IL1RAP: variants seen among roughly 807,000 people sequenced by gnomAD.
The protein encoded by IL1RAP is interleukin-1 receptor accessory protein.
IL1RAP carries 35 observed loss-of-function variants against 60.7 expected under a neutral mutation model. The ratio of observed to expected loss-of-function variants is 0.58; its 90% CI spans 0.44 to 0.76. IL1RAP has a LOEUF of 0.76. IL1RAP is among the 30% of genes least tolerant of loss of function. IL1RAP has a pLI of 0.00. For missense variants in IL1RAP, 572 were observed against 693.9 expected (o/e 0.82, Z 1.97); for synonymous variants, 268 against 250.9 (o/e 1.07, Z -0.64).
intron 1 of IL1RAP, among the ~76,000 whole-genome samples, chr3:190,522,188 C>T (rs964719127): frequency 1.1e-4 from 17 of 152,020 alleles, no homozygotes; most frequent in South Asian, 2.1e-4. Context: ...GGCTGAGCTT[C>T]GGAATCAGGC....
At position 190,648,792 on chromosome 3, in the gene IL1RAP, T is replaced by C. The variant is rs1734221294; in HGVS notation, c.*87T>C. On this transcript the variant is annotated 3_prime_UTR_variant, in exon 12 of 12. Transcript: ENST00000447382. ...TCTTCATTCGCAGTTTATGGTTTCA[T>C]AGGCAAAAATAATGGTCTAAGCCTC... 2.0e-6 allele frequency: 3 copies of C among 1,490,550 alleles called. No individual in the cohort carries two copies. The highest frequency in any genetic ancestry group is 5.1e-5 in the Admixed American group (2 of 39,282). The allele number at this position is 1,490,550 out of a possible 1,614,324, so 92.3% of individuals were successfully genotyped here.
rs542904066 is a variant in IL1RAP, at chr3:190,581,875, T to G, written c.64+17522T>G. Among the ~76,000 whole-genome samples, 21 of 152,308 alleles carry G rather than the reference T, an allele frequency of 1.4e-4. No homozygotes were observed. The South Asian group carries it at 4.1e-3, about 30-fold the overall frequency. ...TCCTTTCTTCATGCTCGTTTGTGTC[T>G]CATATGTCTAACTGTTTCAGGGTCC... On this transcript the variant is annotated intron_variant, in intron 3 of 11. Coordinates refer to ENST00000447382, the MANE Select transcript of IL1RAP (RefSeq NM_002182.4).
At chr3:190,647,407 G>T (rs1174569282) in intron 11 of IL1RAP, among the ~76,000 whole-genome samples, 1 of 152,180 alleles carries the variant, frequency 6.6e-6, no homozygotes, top group Non-Finnish European at 1.5e-5. Flanking sequence ...ACAGGTAAAG[G>T]ACTATGCAAT....
intron 4 of IL1RAP, among the ~76,000 whole-genome samples, chr3:190,608,500 T>G (rs1180864607): frequency 2.6e-5 from 4 of 152,192 alleles, no homozygotes; most frequent in Non-Finnish European, 5.9e-5. Context: ...AGTGAATGAA[T>G]GTGAAAGCCC....
chr3:190,588,820 T>A lies in IL1RAP; in HGVS notation c.65-15308T>A, dbSNP rs559004457. Among the ~76,000 whole-genome samples, 3 of 152,316 alleles carry A rather than the reference T, an allele frequency of 2.0e-5. No individual in the cohort carries two copies. The South Asian group carries it at 6.2e-4, about 32-fold the overall frequency. On this transcript the variant is annotated intron_variant, in intron 3 of 11. Coordinates refer to ENST00000447382, the MANE Select transcript of IL1RAP (RefSeq NM_002182.4). The stretch of plus-strand genomic sequence containing the variant: ...AATGTTCTCAACCTTAGCACTATAG[T>A]AAGTCAATAAGCTCAACATAAAAGT...
At chr3:190,549,929 C>T (rs1479644818) in intron 1 of IL1RAP, among the ~76,000 whole-genome samples, 8 of 152,180 alleles carry the variant, frequency 5.3e-5, no homozygotes, top group Admixed American at 5.2e-4. Context: ...GATGGCTACT[C>T]ATCTAGAAAG....
At chr3:190,646,754 A>T (rs1215056571) in intron 11 of IL1RAP, among the ~76,000 whole-genome samples, 2 of 151,482 alleles carry the variant, frequency 1.3e-5, no homozygotes, top group Admixed American at 6.6e-5. Context: ...GTTTTTTTTT[A>T]AATATTGCAT....
chr3:190,636,842 A>G (rs906310645), intron 9 of IL1RAP, among the ~76,000 whole-genome samples: 3 of 151,962 alleles, frequency 2.0e-5, no homozygotes, highest in African/African-American at 7.2e-5. Context: ...CCATCTTGCT[A>G]TTTGTTGTCC....
At chr3:190,629,537 A>T (rs571100036) in intron 9 of IL1RAP, 39 bp downstream of exon 9, 126 of 1,577,038 alleles carry the variant, frequency 8.0e-5, no homozygotes, top group Non-Finnish European at 1.1e-4. Flanking sequence ...TCAGCTCCAA[A>T]TTAACATTGT....
chr3:190,539,535 C>T (rs1723753501), intron 1 of IL1RAP, among the ~76,000 whole-genome samples: 1 of 151,986 alleles, frequency 6.6e-6, no homozygotes, highest in African/African-American at 2.4e-5. Flanking sequence ...CTCATCTGTA[C>T]ATATTTCTTT....
chr3:190,630,559 T>C (rs1303880901), intron 9 of IL1RAP, among the ~76,000 whole-genome samples: 5 of 152,214 alleles, frequency 3.3e-5, no homozygotes, highest in Admixed American at 2.6e-4. Flanking sequence ...CCTCAAACTT[T>C]CATTACAACT....
intron 1 of IL1RAP, among the ~76,000 whole-genome samples, chr3:190,550,903 A>G (rs1048899128): frequency 2.0e-5 from 3 of 152,252 alleles, no homozygotes; most frequent in African/African-American, 7.2e-5. Context: ...TGTTTGCAAA[A>G]TAGACTTTAG....
At chr3:190,538,560 T>A (rs1270141373) in intron 1 of IL1RAP, among the ~76,000 whole-genome samples, 3 of 152,092 alleles carry the variant, frequency 2.0e-5, no homozygotes, top group African/African-American at 7.2e-5. Context: ...TGAAGAGGGG[T>A]GTTTGAGGGA....
chr3:190,601,392 AT>A (rs1729847738), intron 3 of IL1RAP, among the ~76,000 whole-genome samples: 1 of 152,254 alleles, frequency 6.6e-6, no homozygotes, highest in African/African-American at 2.4e-5. Context: ...ACAAGTGTGC[AT>A]TGATGTGAAC....
chr3:190,627,284 GTTT>G (rs770935173), intron 7 of IL1RAP, 36 bp from the exon 8 acceptor site: 2 of 1,425,206 alleles, frequency 1.4e-6, no homozygotes, highest in East Asian at 4.9e-5. Context: ...GTTTTGTTTT[GTTT>G]TTTGTTTTTT....
Position 190,627,444 on chromosome 3 carries a change from C to A in IL1RAP, c.897C>A (p.Asn299Lys). The change falls in exon 8 of 12, where the codon AAC (asparagine) becomes AAA (lysine). Residue 299 changes from asparagine (N) to lysine (K), a missense_variant. Asn to Lys is a moderately conservative substitution (Grantham distance 94). Transcript: ENST00000447382. Reference sequence around the variant, plus strand: ...ACATCACTATTGATGTCACCATTAACGAAAGGTATCATGGGGGCCAGCAAG... The same window carrying A: ...ACATCACTATTGATGTCACCATTAAAGAAAGGTATCATGGGGGCCAGCAAG... ...PDDITIDVTI[N>K]ESISHSRTED... The A allele has an allele frequency of 3.1e-6, 5 of 1,610,284 alleles. No individual in the cohort carries two copies. Among genetic ancestry groups the A allele is most frequent in the Non-Finnish European group, 4.2e-6 (5 of 1,178,572 alleles).
Position 190,524,545 on chromosome 3 carries a change from T to A in IL1RAP, c.-89+10326T>A, listed in dbSNP as rs542065061. Among the ~76,000 whole-genome samples the A allele has an allele frequency of 1.1e-4, 16 of 152,316 alleles. No individual in the cohort carries two copies. In the South Asian group the frequency reaches 3.3e-3, roughly 32 times the overall value. On this transcript the variant is annotated intron_variant, in intron 1 of 11. Transcript: ENST00000447382. ...AGGGGTTCAATTTCAATCTTCTTCA[T>A]ATGGCTAGCCAGTTACCCCAGCATT...
At chr3:190,544,239 G>C (rs1198102314) in intron 1 of IL1RAP, among the ~76,000 whole-genome samples, 1 of 152,122 alleles carries the variant, frequency 6.6e-6, no homozygotes, top group Non-Finnish European at 1.5e-5. Context: ...GCTCCCCTCT[G>C]TTTTCTGACT....
chr3:190,549,615 T>C (rs1174913861), intron 1 of IL1RAP, among the ~76,000 whole-genome samples: 1 of 152,198 alleles, frequency 6.6e-6, no homozygotes, highest in Non-Finnish European at 1.5e-5. Flanking sequence ...CTGAGGCCTT[T>C]TACCAGTTTG....
Sources: gnomAD v4.1 joint callset for allele counts (sites outside exome capture counted in the v4.1 genomes callset) on GRCh38, gnomAD v4.1.1 for gene constraint, MANE v1.5 for transcripts, NCBI Gene and HGNC (gene_info 2026-07-23, HGNC 2026-07-21) for gene names.